The following SMYD3 variants were observed in gnomAD, a reference collection of about 807,000 sequenced individuals.
SMYD3 encodes SET and MYND domain containing 3.
A neutral mutation model predicts 57.7 loss-of-function variants in SMYD3; 36 were observed. That is an observed-to-expected ratio of 0.62 (90% confidence interval 0.48 to 0.82). The LOEUF (loss-of-function observed/expected upper bound fraction) is 0.82, where lower values mean the gene tolerates loss of function less well. SMYD3 is among the 40% of genes least tolerant of loss of function. The probability of loss-of-function intolerance (pLI) is 0.00; values close to 1 mark genes in which losing one functional copy is unlikely to be tolerated. For synonymous variants in SMYD3, 211 were observed against 195.0 expected, an observed-to-expected ratio of 1.08 and a Z score of -0.68; for missense variants, 515 against 538.8, an observed-to-expected ratio of 0.96 and a Z score of 0.44.
chr1:246,175,601 G>A (rs2062419226), intron 5 of SMYD3, among the ~76,000 whole-genome samples: 1 of 152,178 alleles, frequency 6.6e-6, no homozygotes, highest in African/African-American at 2.4e-5. Flanking sequence ...TATCGAGGAA[G>A]ACAGGGCCAT....
At chr1:246,239,632 T>C (rs2063572076) in intron 5 of SMYD3, among the ~76,000 whole-genome samples, 1 of 152,220 alleles carries the variant, frequency 6.6e-6, no homozygotes, top group African/African-American at 2.4e-5. Flanking sequence ...GGTCAAATAG[T>C]ATTTCTAGTT....
chr1:246,293,462 G>C (rs2064734708), intron 5 of SMYD3, among the ~76,000 whole-genome samples: 1 of 152,098 alleles, frequency 6.6e-6, no homozygotes, highest in Non-Finnish European at 1.5e-5. Flanking sequence ...TAAAAAATTA[G>C]AGGACTGTAA....
intron 5 of SMYD3, among the ~76,000 whole-genome samples, chr1:245,965,907 G>A (rs2058132952): frequency 6.6e-6 from 1 of 152,086 alleles, no homozygotes; most frequent in Admixed American, 6.6e-5. Flanking sequence ...TGTCAATGTA[G>A]GTTCATCGAC....
At chr1:245,868,504 C>A (rs542671691) in intron 8 of SMYD3, among the ~76,000 whole-genome samples, 1 of 152,012 alleles carries the variant, frequency 6.6e-6, no homozygotes, top group Non-Finnish European at 1.5e-5. Flanking sequence ...AGGGTGAGAC[C>A]GCAGCCCAGG....
chr1:246,003,008 G>A (rs1183151015), intron 5 of SMYD3, among the ~76,000 whole-genome samples: 1 of 152,216 alleles, frequency 6.6e-6, no homozygotes, highest in African/African-American at 2.4e-5. Context: ...ATGTAAGTGC[G>A]TTCTACACTC....
chr1:246,285,934 T>C (rs951541076), intron 5 of SMYD3, among the ~76,000 whole-genome samples: 2 of 151,988 alleles, frequency 1.3e-5, no homozygotes, highest in African/African-American at 4.8e-5. Flanking sequence ...AAAATCACAA[T>C]GCAATACCAC....
At chr1:246,420,599 G>A (rs1334552022) in intron 1 of SMYD3, among the ~76,000 whole-genome samples, 1 of 152,188 alleles carries the variant, frequency 6.6e-6, no homozygotes, top group African/African-American at 2.4e-5. Flanking sequence ...AGAGAAGATA[G>A]TCTTATATTT....
At chr1:246,387,455 A>C (rs754117023) in intron 1 of SMYD3, among the ~76,000 whole-genome samples, 1 of 152,250 alleles carries the variant, frequency 6.6e-6, no homozygotes, top group African/African-American at 2.4e-5. Flanking sequence ...ATGCCAGTTT[A>C]ACATTTATTC....
At chr1:245,881,340 G>A (rs1403613338) in intron 8 of SMYD3, among the ~76,000 whole-genome samples, 5 of 152,198 alleles carry the variant, frequency 3.3e-5, no homozygotes, top group Non-Finnish European at 1.5e-5. Flanking sequence ...ATGTGAGTTT[G>A]TAGGTCTTGG....
At chr1:245,767,065 A>C (rs897469077) in intron 10 of SMYD3, among the ~76,000 whole-genome samples, 5 of 152,182 alleles carry the variant, frequency 3.3e-5, no homozygotes, top group African/African-American at 1.2e-4. Context: ...AAAGCTGGTC[A>C]AGCTCACTCC....
At chr1:246,075,784 TA>T (rs1038039729) in intron 5 of SMYD3, among the ~76,000 whole-genome samples, 22 of 152,222 alleles carry the variant, frequency 1.4e-4, no homozygotes, top group African/African-American at 5.1e-4. Flanking sequence ...GAGGGAGCTT[TA>T]AAATATGCAA....
intron 5 of SMYD3, among the ~76,000 whole-genome samples, chr1:246,101,077 T>TG (rs2061004822): frequency 8.1e-6 from 1 of 122,924 alleles, no homozygotes; most frequent in Non-Finnish European, 1.7e-5. Context: ...TTTTGTTTTT[T>TG]TTTTTTTTTT....
intron 1 of SMYD3, among the ~76,000 whole-genome samples, chr1:246,374,848 T>TC (rs2066247147): frequency 1.4e-5 from 2 of 138,392 alleles, no homozygotes; most frequent in South Asian, 5.1e-4. Flanking sequence ...ATCCCAGCAG[T>TC]TTGGGGGGCC....
At chr1:246,169,381 CAAAAAAAAA>C (rs55719556) in intron 5 of SMYD3, among the ~76,000 whole-genome samples, 11 of 61,888 alleles carry the variant, frequency 1.8e-4, no homozygotes, top group South Asian at 7.3e-4. Context: ...GACTTTCTTT[CAAAAAAAAA>C]AAAAAAAAAA....
chr1:246,299,849 G>A (rs565234205), intron 5 of SMYD3, among the ~76,000 whole-genome samples: 5 of 152,040 alleles, frequency 3.3e-5, no homozygotes, highest in Non-Finnish European at 7.4e-5. Flanking sequence ...TGGAGGATGG[G>A]AGGAGGGAGA....
intron 1 of SMYD3, among the ~76,000 whole-genome samples, chr1:246,427,632 GGT>G (rs2067240973): frequency 1.3e-5 from 2 of 152,342 alleles, no homozygotes; most frequent in South Asian, 4.1e-4. Flanking sequence ...GGGAGGCCAA[GGT>G]GGGAGGATCA....
intron 5 of SMYD3, among the ~76,000 whole-genome samples, chr1:246,083,033 C>T (rs911001624): frequency 5.3e-5 from 8 of 150,950 alleles, no homozygotes; most frequent in African/African-American, 2.0e-4. Flanking sequence ...AAGGTTTCTC[C>T]CCATGTGACA....
intron 5 of SMYD3, among the ~76,000 whole-genome samples, chr1:246,284,067 T>C (rs1421835241): frequency 1.3e-5 from 2 of 152,174 alleles, no homozygotes; most frequent in Non-Finnish European, 2.9e-5. Flanking sequence ...GAGAGGTACA[T>C]GCCATGTCAC....
intron 5 of SMYD3, among the ~76,000 whole-genome samples, chr1:246,236,057 T>C (rs1248534130): frequency 6.6e-6 from 1 of 152,138 alleles, no homozygotes; most frequent in African/African-American, 2.4e-5. Context: ...TAAAATATTA[T>C]AACTTGAGGG....
Sources: gnomAD v4.1 joint callset for allele counts (sites outside exome capture counted in the v4.1 genomes callset) on GRCh38, gnomAD v4.1.1 for gene constraint, MANE v1.5 for transcripts, NCBI Gene and HGNC (gene_info 2026-07-23, HGNC 2026-07-21) for gene names.